Variants in TNS4 observed in about 807,000 individuals in gnomAD.
TNS4 encodes tensin 4, also known as tensin-4.
In TNS4, 46 loss-of-function variants were observed where a neutral mutation model predicts 70.4. The ratio of observed to expected loss-of-function variants is 0.65; its 90% CI spans 0.52 to 0.84. The LOEUF (loss-of-function observed/expected upper bound fraction) is 0.84, where lower values mean the gene tolerates loss of function less well. Ranked by LOEUF, TNS4 falls within the 40% of genes least tolerant of loss-of-function variation. The probability of loss-of-function intolerance (pLI) is 0.00; values close to 1 mark genes in which losing one functional copy is unlikely to be tolerated. For synonymous variants in TNS4, 390 were observed against 366.6 expected, an observed-to-expected ratio of 1.06 and a Z score of -0.73; for missense variants, 863 against 907.0, an observed-to-expected ratio of 0.95 and a Z score of 0.62.
intron 9 of TNS4, chr17:40,480,082 G>A (rs980366378): frequency 8.5e-5 from 46 of 542,468 alleles, no homozygotes; most frequent in Non-Finnish European, 1.6e-5. Flanking sequence ...ATGGGGCAGG[G>A]GAGGGGATGT....
At position 40,488,728 on chromosome 17, in the gene TNS4, A is replaced by T; in HGVS notation, c.681T>A (p.Asn227Lys). The T allele has an allele frequency of 6.3e-7, 1 of 1,587,270 alleles. No homozygotes were observed. Among genetic ancestry groups the T allele is most frequent in the East Asian group, 2.3e-5 (1 of 44,182 alleles). ...PSEGLSPRPP[N>K]SPSISIPCMG... ...TGCAAGGGATTGAGATGCTGGGGGA[A>T]TTTGGGGGTCGAGGGGAGAGACCCT... is the stretch of plus-strand genomic sequence containing the variant. Residue 227 changes from asparagine (N) to lysine (K), a missense_variant, in exon 3 of 13, where the codon AAT (asparagine) becomes AAA (lysine). By Grantham distance (94) the Asn-to-Lys change is moderately conservative. Transcript: ENST00000254051.
rs1020726133 is a variant in TNS4, at chr17:40,476,539, A to G, written c.*1049T>C. On this transcript the variant is annotated 3_prime_UTR_variant, in exon 13 of 13. Transcript: ENST00000254051. ...CCTAATATGCAACATTAGGGCAGCT[A>G]CGATACCAGCTTTGGAATACTCGCC... 3 of 152,010 alleles carry G rather than the reference A, an allele frequency of 2.0e-5. No individual in the cohort carries two copies. The East Asian group carries it at 5.8e-4, about 29-fold the overall frequency. The allele number at this position is 152,010 out of a possible 1,614,324, so 9.4% of individuals were successfully genotyped here.
At chr17:40,497,243 A>C (rs1344335057) in intron 1 of TNS4, among the ~76,000 whole-genome samples, 1 of 152,202 alleles carries the variant, frequency 6.6e-6, no homozygotes, top group East Asian at 1.9e-4. Flanking sequence ...AAGGGAGATA[A>C]GAAGGAAAAG....
chr17:40,484,357 T>C, intron 6 of TNS4, 127 bp downstream of exon 6: 1 of 1,413,034 alleles, frequency 7.1e-7, no homozygotes, highest in Non-Finnish European at 9.5e-7. Context: ...GGTGGACGCT[T>C]CTCCTAGGAG....
rs2035929434 is a variant in TNS4, at chr17:40,482,165, G to A, written c.1636C>T (p.Leu546=). The A allele has an allele frequency of 6.2e-7, 1 of 1,614,106 alleles. No homozygotes were observed. Among genetic ancestry groups the A allele is most frequent in the Admixed American group, 1.7e-5 (1 of 60,016 alleles). Residue 546 remains leucine (L), a synonymous_variant, in exon 8 of 13, where the codon CTG becomes TTG. Coordinates refer to ENST00000254051, the MANE Select transcript of TNS4 (RefSeq NM_032865.6). ...AFVCQHSIMA[L]ALPCKLTIPQ... Reference sequence around the variant, plus strand: ...ATGGTGAGTTTGCAGGGCAGGGCCAGGGCCATGATGGAATGCTGGCACACG... The same window carrying A: ...ATGGTGAGTTTGCAGGGCAGGGCCAAGGCCATGATGGAATGCTGGCACACG...
At chr17:40,481,174 C>A (rs796441847) in intron 8 of TNS4, among the ~76,000 whole-genome samples, 1 of 152,166 alleles carries the variant, frequency 6.6e-6, no homozygotes, top group African/African-American at 2.4e-5. Flanking sequence ...CCTTCTCGAG[C>A]TTCTCCTGCA....
At chr17:40,481,458 C>T (rs977499898) in intron 8 of TNS4, among the ~76,000 whole-genome samples, 2 of 152,214 alleles carry the variant, frequency 1.3e-5, no homozygotes, top group African/African-American at 2.4e-5. Context: ...TCTGCCTCCC[C>T]GGCTCAAGTG....
chr17:40,478,449 T>G, intron 11 of TNS4, 116 bp from the exon 12 acceptor site: 1 of 1,064,466 alleles, frequency 9.4e-7, no homozygotes, highest in Non-Finnish European at 1.3e-6. Flanking sequence ...CACCCTACCC[T>G]CATTCTGTCA....
chr17:40,499,723 C>T (rs1317029166), intron 1 of TNS4, among the ~76,000 whole-genome samples: 1 of 152,254 alleles, frequency 6.6e-6, no homozygotes, highest in African/African-American at 2.4e-5. Flanking sequence ...CCCGGGACAG[C>T]TGAGGACACA....
Position 40,480,776 on chromosome 17 carries a change from A to C in TNS4, c.1673-8T>G. 6.2e-7 allele frequency: 1 copy of C among 1,600,914 alleles called. No homozygotes were observed. Among genetic ancestry groups the C allele is most frequent in the Admixed American group, 1.7e-5 (1 of 57,958 alleles). On this transcript the variant is annotated splice_region_variant and splice_polypyrimidine_tract_variant and intron_variant, in intron 8 of 12. Coordinates refer to ENST00000254051, the MANE Select transcript of TNS4 (RefSeq NM_032865.6). ...CATCTGCACCTCCCAGTTCTGAGCC[A>C]AGGCAAAGAAACAGGCCCCCCAAAG... is the stretch of plus-strand genomic sequence containing the variant.
At chr17:40,480,995 G>A (rs1447734366) in intron 8 of TNS4, 13 of 515,080 alleles carry the variant, frequency 2.5e-5, no homozygotes, top group Non-Finnish European at 3.1e-5. Flanking sequence ...TCCCCTCCTC[G>A]CCCCCCCACC....
chr17:40,487,370 G>A lies in TNS4; in HGVS notation c.954C>T (p.His318=). 6.2e-7 allele frequency: 1 copy of A among 1,614,220 alleles called. No individual in the cohort carries two copies. The highest frequency in any genetic ancestry group is 8.5e-7 in the Non-Finnish European group (1 of 1,180,038). The change falls in exon 4 of 13, where the codon CAC becomes CAT. Residue 318 remains histidine (H), a synonymous_variant. Transcript: ENST00000254051. The part of the protein sequence containing the change: ...ESPANSSSSL[H]SLGSVSLCTR... The stretch of plus-strand genomic sequence containing the variant: ...TACACAGGGACACTGAGCCAAGGCT[G>A]TGGAGGCTGGAGGAAGAGTTGGCTG...
At chr17:40,485,149 G>A in intron 4 of TNS4, 142 bp from the exon 5 acceptor site, 1 of 671,406 alleles carries the variant, frequency 1.5e-6, no homozygotes, top group Non-Finnish European at 2.5e-6. Flanking sequence ...TAACCCCATT[G>A]TATCTCCAAA....
rs2035881562 is a variant in TNS4, at chr17:40,478,645, C to T, written c.1914G>A (p.Val638=). The T allele has an allele frequency of 6.2e-6, 10 of 1,613,994 alleles. No homozygotes were observed. The highest frequency in any genetic ancestry group is 8.5e-6 in the Non-Finnish European group (10 of 1,179,914). The change falls in exon 11 of 13, where the codon GTG becomes GTA. Residue 638 remains valine (V), a synonymous_variant. Transcript: ENST00000254051. ...GITLTDVQRK[V]FFRRHYPLTT... ...TGAGTGGGTAATGGCGCCGGAAAAA[C>T]ACCCTAGGAGGAGGCGGGGAGAGAA...
At chr17:40,479,633 T>C (rs756278405) in intron 10 of TNS4, 41 bp downstream of exon 10, 1 of 1,593,506 alleles carries the variant, frequency 6.3e-7, no homozygotes, top group Non-Finnish European at 8.6e-7. Context: ...CCAGCTCTAC[T>C]CCGCCAGCCC....
At chr17:40,480,498 C>A (rs1051124170) in intron 9 of TNS4, among the ~76,000 whole-genome samples, 1 of 152,072 alleles carries the variant, frequency 6.6e-6, no homozygotes, top group Non-Finnish European at 1.5e-5. Flanking sequence ...TGCCCCACTT[C>A]CCTGCTGGCC....
chr17:40,482,750 C>G (rs1359444065), intron 6 of TNS4, among the ~76,000 whole-genome samples: 1 of 151,772 alleles, frequency 6.6e-6, no homozygotes, highest in African/African-American at 2.4e-5. Flanking sequence ...TGCACTCCAG[C>G]CTGGGTGACA....
chr17:40,490,749 G>T (rs2036058103), intron 2 of TNS4, among the ~76,000 whole-genome samples: 1 of 152,194 alleles, frequency 6.6e-6, no homozygotes, highest in Non-Finnish European at 1.5e-5. Flanking sequence ...AACAAACCTG[G>T]GGTGAGTCCT....
At chr17:40,481,123 C>T (rs781404712) in intron 8 of TNS4, among the ~76,000 whole-genome samples, 4 of 152,116 alleles carry the variant, frequency 2.6e-5, no homozygotes, top group Non-Finnish European at 5.9e-5. Context: ...CACCATCGCT[C>T]CTCTGGGGCT....
Sources: gnomAD v4.1 joint callset for allele counts (sites outside exome capture counted in the v4.1 genomes callset) on GRCh38, gnomAD v4.1.1 for gene constraint, MANE v1.5 for transcripts, NCBI Gene and HGNC (gene_info 2026-07-23, HGNC 2026-07-21) for gene names.